Variants in ULK4 observed in about 807,000 individuals in gnomAD.
ULK4 encodes inactive serine/threonine-protein kinase ULK4.
Under a neutral mutation model 160.6 loss-of-function variants are expected in ULK4, and 133 were observed. The observed-to-expected ratio is 0.83, with a 90% CI of 0.72 to 0.96. The LOEUF (loss-of-function observed/expected upper bound fraction) is 0.96. ULK4 is among the 40% of genes least tolerant of loss of function. The pLI, the probability that ULK4 is intolerant of heterozygous loss-of-function variation, is 0.00. For missense variants in ULK4, 1,580 were observed against 1,499.5 expected, an observed-to-expected ratio of 1.05 and a Z score of -0.89; for synonymous variants, 534 against 539.8, an observed-to-expected ratio of 0.99 and a Z score of 0.15.
chr3:41,728,748 T>C (rs767405410), intron 22 of ULK4, among the ~76,000 whole-genome samples: 2 of 152,124 alleles, frequency 1.3e-5, no homozygotes, highest in African/African-American at 2.4e-5. Context: ...AAGGAAACAG[T>C]AGACTTCTAG....
intron 35 of ULK4, among the ~76,000 whole-genome samples, chr3:41,351,550 C>A (rs1370511383): frequency 1.3e-5 from 2 of 152,222 alleles, no homozygotes; most frequent in African/African-American, 4.8e-5. Context: ...TGAGAGGGCA[C>A]TGCTTCATCT....
At chr3:41,847,428 C>G (rs895918144) in intron 17 of ULK4, among the ~76,000 whole-genome samples, 2 of 152,188 alleles carry the variant, frequency 1.3e-5, no homozygotes, top group Non-Finnish European at 2.9e-5. Context: ...CAGAAAATAT[C>G]AGGCATTTCC....
intron 19 of ULK4, among the ~76,000 whole-genome samples, chr3:41,815,573 T>C (rs2040939308): frequency 6.6e-6 from 1 of 152,208 alleles, no homozygotes. Context: ...CTTATGCTTT[T>C]AGCTTCTTGT....
At chr3:41,253,500 A>G (rs1276289217) in intron 35 of ULK4, among the ~76,000 whole-genome samples, 1 of 152,006 alleles carries the variant, frequency 6.6e-6, no homozygotes, top group African/African-American at 2.4e-5. Flanking sequence ...ACTTAAAAAA[A>G]TTATACAAAG....
intron 32 of ULK4, among the ~76,000 whole-genome samples, chr3:41,556,411 TCA>T (rs936309473): frequency 6.6e-6 from 1 of 151,004 alleles, no homozygotes; most frequent in Non-Finnish European, 1.5e-5. Context: ...GAGAAAATCA[TCA>T]CAGAGCTATC....
chr3:41,445,977 T>C (rs1049328224), intron 34 of ULK4, among the ~76,000 whole-genome samples: 32 of 152,160 alleles, frequency 2.1e-4, no homozygotes, highest in African/African-American at 7.5e-4. Context: ...CCTACTCATC[T>C]GACAAAGGGC....
At chr3:41,752,539 T>C (rs978735855) in intron 22 of ULK4, among the ~76,000 whole-genome samples, 7 of 152,122 alleles carry the variant, frequency 4.6e-5, no homozygotes, top group Non-Finnish European at 8.8e-5. Context: ...ACCCCTCAAT[T>C]GGAAGTGACT....
At chr3:41,652,559 T>C (rs571261955) in intron 30 of ULK4, among the ~76,000 whole-genome samples, 2 of 152,180 alleles carry the variant, frequency 1.3e-5, no homozygotes, top group Admixed American at 6.5e-5. Flanking sequence ...TCTATGACAG[T>C]GGGAGAAAGA....
rs748566253 is a variant in ULK4 at position 41,658,728 on chromosome 3, T to TACACACACAC, written c.3071+4869_3071+4878dup. Reference sequence around the variant, plus strand: ...ATGCTACTGTGTATGTGAAAAACAGTACACACACACACACACACACACACA... The same window carrying TACACACACAC: ...ATGCTACTGTGTATGTGAAAAACAGTACACACACACACACACACACACACACACACACACA... On this transcript the variant is annotated intron_variant, in intron 30 of 36. Coordinates refer to ENST00000301831, the MANE Select transcript of ULK4 (RefSeq NM_017886.4). 3.6e-4 allele frequency among the ~76,000 whole-genome samples: 30 copies of TACACACACAC among 84,506 alleles called. 1 individual carries two copies. Among genetic ancestry groups the TACACACACAC allele is most frequent in the African/African-American group, 3.2e-3 (28 of 8,712 alleles). The allele number at this position is 84,506 out of a possible 152,430, so 55.4% of individuals were successfully genotyped here.
intron 32 of ULK4, among the ~76,000 whole-genome samples, chr3:41,525,370 A>T (rs1575356139): frequency 6.6e-6 from 1 of 152,368 alleles, no homozygotes; most frequent in East Asian, 1.9e-4. Flanking sequence ...ATTTTGATGC[A>T]CATGCTGAAT....
At chr3:41,923,487 G>C (rs1233600667) in intron 5 of ULK4, among the ~76,000 whole-genome samples, 2 of 152,276 alleles carry the variant, frequency 1.3e-5, no homozygotes, top group African/African-American at 2.4e-5. Flanking sequence ...AACAGAGCAA[G>C]AGCTCATCTC....
chr3:41,327,688 C>T lies in ULK4; in HGVS notation c.3678+70391G>A, dbSNP rs188030731. ...CCAGAGGAGACTGCAGGTTTCAGAC[C>T]TGCTTAAGAATGCAGTGATGCTAAT... On this transcript the variant is annotated intron_variant, in intron 35 of 36. Coordinates refer to ENST00000301831, the MANE Select transcript of ULK4 (RefSeq NM_017886.4). 2.8e-3 allele frequency among the ~76,000 whole-genome samples: 428 copies of T among 152,240 alleles called. 4 individuals carry two copies. Among genetic ancestry groups the T allele is most frequent in the African/African-American group, 9.7e-3 (401 of 41,522 alleles).
chr3:41,485,142 G>A (rs927947009), intron 32 of ULK4, among the ~76,000 whole-genome samples: 1 of 152,138 alleles, frequency 6.6e-6, no homozygotes, highest in Non-Finnish European at 1.5e-5. Flanking sequence ...TGAGACTCAG[G>A]AGGTTAAGTA....
At chr3:41,768,834 CAT>C (rs892467403) in intron 21 of ULK4, among the ~76,000 whole-genome samples, 1 of 152,032 alleles carries the variant, frequency 6.6e-6, no homozygotes, top group Non-Finnish European at 1.5e-5. Flanking sequence ...CAGCAATAGA[CAT>C]AATTTGAAAA....
intron 7 of ULK4, among the ~76,000 whole-genome samples, chr3:41,916,918 G>A (rs908322103): frequency 4.0e-5 from 6 of 151,774 alleles, no homozygotes; most frequent in Non-Finnish European, 5.9e-5. Context: ...ATGATAGTCA[G>A]GCTGGTCGTG....
intron 34 of ULK4, among the ~76,000 whole-genome samples, chr3:41,443,351 T>C (rs2083216288): frequency 6.6e-6 from 1 of 152,204 alleles, no homozygotes; most frequent in East Asian, 1.9e-4. Flanking sequence ...TTATCAACTT[T>C]TGTAAAATGC....
At chr3:41,715,726 C>T (rs557474319) in intron 23 of ULK4, among the ~76,000 whole-genome samples, 158 bp from the exon 24 acceptor site, 44 of 152,232 alleles carry the variant, frequency 2.9e-4, no homozygotes, top group African/African-American at 9.9e-4. Context: ...TTACAACAGA[C>T]ACTTATGGCC....
rs2125706458 is a variant in ULK4, at chr3:41,295,338, A to AC, written c.3679-45765dup. Among the ~76,000 whole-genome samples the AC allele has an allele frequency of 1.5e-5, 2 of 134,440 alleles. 1 individual carries two copies. Among genetic ancestry groups the AC allele is most frequent in the South Asian group, 5.0e-4 (2 of 3,978 alleles). The allele number at this position is 134,440 out of a possible 152,430, so 88.2% of individuals were successfully genotyped here. A position where few individuals can be genotyped will look rare whatever the true frequency, so the allele number is the denominator to read the frequency against. ...TAAATGTAAAATGCAAGACTTACAG[A>AC]CCTCAATGTGAAATGCAAAACTATA... On this transcript the variant is annotated intron_variant, in intron 35 of 36. Coordinates refer to ENST00000301831, the MANE Select transcript of ULK4 (RefSeq NM_017886.4).
rs200447221 is a variant in ULK4, at chr3:41,819,409, C to T, written c.1848+14G>A. 1.9e-4 allele frequency: 299 copies of T among 1,611,728 alleles called. 1 individual carries two copies. In the Middle Eastern group the frequency reaches 3.8e-3, roughly 21 times the overall value. On this transcript the variant is annotated intron_variant, in intron 19 of 36. Coordinates refer to ENST00000301831, the MANE Select transcript of ULK4 (RefSeq NM_017886.4). ...AATTGCCAGCATCTACAGAGGACAA[C>T]AAAGGAGCCTTACCCCTTCCCGAAG... is the stretch of plus-strand genomic sequence containing the variant.
Sources: allele counts gnomAD v4.1 joint callset (sites outside exome capture counted in the v4.1 genomes callset), GRCh38; gene constraint gnomAD v4.1.1; transcripts MANE v1.5; gene names NCBI Gene and HGNC (gene_info 2026-07-23, HGNC 2026-07-21).